The following ZNF91 variants were observed in gnomAD, a reference collection of about 807,000 sequenced individuals.
ZNF91 encodes the protein zinc finger protein 91.
In ZNF91, 7 loss-of-function variants were observed where a neutral mutation model predicts 12.6. The observed-to-expected ratio is 0.55, with a 90% CI of 0.31 to 1.04. ZNF91 has a LOEUF of 1.04. ZNF91 is among the 50% of genes least tolerant of loss of function. The pLI is 0.05. For synonymous variants in ZNF91, 453 were observed against 462.6 expected (o/e 0.98, Z 0.27); for missense variants, 1,217 against 1,385.4 (o/e 0.88, Z 1.93).
rs200346430 is a variant in ZNF91 at position 23,361,767 on chromosome 19, T to C, written c.1212A>G (p.Lys404=). 5,779 of 1,611,004 alleles carry C rather than the reference T, an allele frequency of 3.6e-3. 53 individuals are homozygous for C. Among genetic ancestry groups the C allele is most frequent in the Middle Eastern group, 0.019 (116 of 5,996 alleles). The change falls in exon 4 of 4, where the codon AAA becomes AAG. Residue 404 remains lysine, a synonymous_variant. Transcript: ENST00000300619. ...TGCCACATTCTTCACATTTGTAGAG[T>C]TTCTCTCCAGCATGTATTATTTTAT... ...TKHKIIHAGE[K]LYKCEECGKA...
At chr19:23,355,484 G>C (rs553723127), downstream of ZNF91, among the ~76,000 whole-genome samples, 1 of 152,168 alleles carries the variant, frequency 6.6e-6, no homozygotes, top group African/African-American at 2.4e-5. Context: ...CCTAAGATCA[G>C]AAACTATAAA....
chr19:23,343,580 T>G (rs569904531), intron 3 of ZNF91, among the ~76,000 whole-genome samples: 1 of 152,314 alleles, frequency 6.6e-6, no homozygotes, highest in African/African-American at 2.4e-5. Context: ...TGAGTGCAGG[T>G]GCACAATTCT....
intron 1 of ZNF91, among the ~76,000 whole-genome samples, chr19:23,392,039 A>G (rs1044821273): frequency 1.3e-5 from 2 of 152,178 alleles, no homozygotes; most frequent in African/African-American, 4.8e-5. Context: ...GAAAAGCAAA[A>G]GTATTTATTC....
At chr19:23,377,006 C>T (rs1297810623) in intron 1 of ZNF91, among the ~76,000 whole-genome samples, 4 of 152,148 alleles carry the variant, frequency 2.6e-5, no homozygotes, top group African/African-American at 9.7e-5. Flanking sequence ...AAAACTCTAC[C>T]CATTTCTGTC....
chr19:23,362,937 A>C (rs532798406), intron 3 of ZNF91, among the ~76,000 whole-genome samples: 4 of 152,196 alleles, frequency 2.6e-5, no homozygotes, highest in African/African-American at 9.6e-5. Context: ...GCAGTGGTGC[A>C]ATCTTGGCTC....
At chr19:23,334,256 G>C (rs1424271952), downstream of ZNF91, among the ~76,000 whole-genome samples, 1 of 152,136 alleles carries the variant, frequency 6.6e-6, no homozygotes, top group African/African-American at 2.4e-5. Context: ...GTGTTGTGTA[G>C]AGTTGGCATG....
intron 3 of ZNF91, among the ~76,000 whole-genome samples, chr19:23,371,626 AAAT>A (rs879573650): frequency 2.6e-5 from 4 of 152,212 alleles, no homozygotes; most frequent in African/African-American, 4.8e-5. Flanking sequence ...AACTGCAAGA[AAAT>A]AATGAAAGAA....
chr19:23,306,575 T>C (rs1967402383), intron 3 of ZNF91, among the ~76,000 whole-genome samples: 1 of 152,242 alleles, frequency 6.6e-6, no homozygotes, highest in African/African-American at 2.4e-5. Context: ...CCCTTGTCTG[T>C]GTCTGGCCCA....
chr19:23,320,557 A>T (rs1156477806), intron 1 of ZNF91, among the ~76,000 whole-genome samples: 1 of 152,192 alleles, frequency 6.6e-6, no homozygotes, highest in Non-Finnish European at 1.5e-5. Flanking sequence ...GGAACTTCCA[A>T]CACTTATAAA....
intron 1 of ZNF91, among the ~76,000 whole-genome samples, chr19:23,391,738 T>C (rs1001644408): frequency 8.5e-5 from 13 of 152,146 alleles, no homozygotes; most frequent in Non-Finnish European, 1.9e-4. Context: ...CTGTAGATTG[T>C]CTCAGTATAG....
At chr19:23,368,193 C>CGCATA (rs988585345) in intron 3 of ZNF91, among the ~76,000 whole-genome samples, 1 of 151,922 alleles carries the variant, frequency 6.6e-6, no homozygotes, top group Non-Finnish European at 1.5e-5. Flanking sequence ...GAGGCCCAGC[C>CGCATA]GCATAAATTT....
chr19:23,357,864 T>C lies in ZNF91; in HGVS notation c.*1539A>G, dbSNP rs569594142. On this transcript the variant is annotated 3_prime_UTR_variant, in exon 4 of 4. Coordinates refer to ENST00000300619, the MANE Select transcript of ZNF91 (RefSeq NM_003430.4). ...GTAATGGAGACCGCATTTAGTCTAA[T>C]GCGATTGTTATATATTGTGTGTCCG... 6.6e-6 allele frequency: 1 copy of C among 152,318 alleles called. No individual in the cohort carries two copies. The highest frequency in any genetic ancestry group is 2.4e-5 in the African/African-American group (1 of 41,586). 9.4% of individuals were successfully genotyped at this position (152,318 alleles called of 1,614,324 possible).
chr19:23,386,605 G>A (rs535986325), intron 1 of ZNF91, among the ~76,000 whole-genome samples: 6 of 152,158 alleles, frequency 3.9e-5, no homozygotes, highest in Admixed American at 1.3e-4. Context: ...CTAGCACTAT[G>A]GAGAAGACTA....
At chr19:23,374,433 G>A (rs1273796342) in intron 2 of ZNF91, among the ~76,000 whole-genome samples, 4 of 148,102 alleles carry the variant, frequency 2.7e-5, no homozygotes, top group South Asian at 2.1e-4. Context: ...GGTGGTGGGC[G>A]CCTGTAGTCC....
chr19:23,395,410 C>T lies in ZNF91; in HGVS notation c.-56G>A. 1 of 1,603,488 alleles carries T rather than the reference C, an allele frequency of 6.2e-7. No individual in the cohort carries two copies. Among genetic ancestry groups the T allele is most frequent in the South Asian group, 1.1e-5 (1 of 90,676 alleles). On this transcript the variant is annotated 5_prime_UTR_variant, in exon 1 of 4. Transcript: ENST00000300619. Reference sequence around the variant, plus strand: ...CACAGGGCCACACAGGCTGGGCCTCCTGGAGCAGAGGACACAGAGCAGTGA... The same window carrying T: ...CACAGGGCCACACAGGCTGGGCCTCTTGGAGCAGAGGACACAGAGCAGTGA...
At chr19:23,312,408 G>C (rs1967485641), upstream of ZNF91, among the ~76,000 whole-genome samples, 1 of 152,198 alleles carries the variant, frequency 6.6e-6, no homozygotes, top group Non-Finnish European at 1.5e-5. Flanking sequence ...ATTTTTGTAT[G>C]AAGGTCATAG....
chr19:23,328,205 T>C (rs1055772615), intron 1 of ZNF91: 2 of 152,186 alleles, frequency 1.3e-5, no homozygotes, highest in African/African-American at 2.4e-5. Context: ...GAGAGACTCA[T>C]CTAGCCATGA....
At chr19:23,366,156 GCCCCTCA>G (rs975562602) in intron 3 of ZNF91, among the ~76,000 whole-genome samples, 1 of 152,032 alleles carries the variant, frequency 6.6e-6, no homozygotes, top group African/African-American at 2.4e-5. Context: ...GGGCAGAGGC[GCCCCTCA>G]CCTCCCGGAT....
Position 23,360,644 on chromosome 19 carries a change from A to T in ZNF91, c.2335T>A (p.Phe779Ile). The T allele has an allele frequency of 6.2e-7, 1 of 1,613,848 alleles. No homozygotes were observed. The highest frequency in any genetic ancestry group is 8.5e-7 in the Non-Finnish European group (1 of 1,179,926). ...PFKCKECGKA[F>I]IWSSTLTRHK... ...CTAGTTAGGGTTGAAGACCATATAA[A>T]TGCTTTGCCACATTCTTTACATTTG... Residue 779 changes from phenylalanine (F) to isoleucine (I), a missense_variant, in exon 4 of 4, where the codon TTT becomes ATT. Phe to Ile is a conservative substitution (Grantham distance 21). This residue lies in a region of ZNF91 where 491 missense variants were observed against 489.8 expected (regional missense o/e 1.00). Transcript: ENST00000300619.
Sources: gnomAD v4.1 joint callset for allele counts (sites outside exome capture counted in the v4.1 genomes callset) on GRCh38, gnomAD v4.1.1 for gene constraint, gnomAD v4.1.1 regional missense constraint, MANE v1.5 for transcripts, NCBI Gene and HGNC (gene_info 2026-07-23, HGNC 2026-07-21) for gene names.